The following SHMT1 variants were observed in gnomAD, a reference collection of about 807,000 sequenced individuals.
SHMT1 encodes serine hydroxymethyltransferase 1.
A neutral mutation model predicts 49.0 loss-of-function variants in SHMT1; 45 were observed. The observed-to-expected ratio is 0.92, with a 90% CI of 0.72 to 1.18. The LOEUF (loss-of-function observed/expected upper bound fraction) is 1.18, where lower values mean the gene tolerates loss of function less well. Ranked by LOEUF, SHMT1 falls within the 50% of genes most tolerant of loss-of-function variation. SHMT1 has a pLI of 0.00. For synonymous variants in SHMT1, 232 were observed against 246.6 expected (o/e 0.94, Z 0.55); for missense variants, 541 against 612.4 (o/e 0.88, Z 1.23).
At chr17:18,336,638 C>G (rs1227690115) in intron 7 of SHMT1, among the ~76,000 whole-genome samples, 1 of 151,540 alleles carries the variant, frequency 6.6e-6, no homozygotes, top group Non-Finnish European at 1.5e-5. Context: ...TGCACTCCAG[C>G]CTGGGCGACA....
At chr17:18,346,614 GCTC>G (rs1277401469) in intron 5 of SHMT1, among the ~76,000 whole-genome samples, 7 of 152,076 alleles carry the variant, frequency 4.6e-5, no homozygotes, top group Admixed American at 3.3e-4. Context: ...CCATACAGGT[GCTC>G]CTCAACTTAT....
chr17:18,342,600 C>G (rs1382779161), intron 5 of SHMT1, among the ~76,000 whole-genome samples: 1 of 152,066 alleles, frequency 6.6e-6, no homozygotes, highest in Non-Finnish European at 1.5e-5. Context: ...AGGTGTGAGC[C>G]ACCGCACCTG....
chr17:18,360,204 A>G (rs1440734451), intron 1 of SHMT1, among the ~76,000 whole-genome samples: 3 of 151,868 alleles, frequency 2.0e-5, no homozygotes, highest in African/African-American at 7.3e-5. Flanking sequence ...AGCCGAGATC[A>G]TACCATTGCA....
chr17:18,347,062 G>A (rs956083569), intron 5 of SHMT1, among the ~76,000 whole-genome samples: 12 of 152,192 alleles, frequency 7.9e-5, no homozygotes, highest in Non-Finnish European at 1.5e-4. Flanking sequence ...AGCTGGGGAC[G>A]TTGCCATGCC....
chr17:18,344,915 G>A (rs538190160), intron 5 of SHMT1, among the ~76,000 whole-genome samples: 2 of 152,336 alleles, frequency 1.3e-5, no homozygotes, highest in East Asian at 1.9e-4. Context: ...AGGGGCTGAA[G>A]GTGGAGGCAG....
At chr17:18,330,238 C>T (rs1443117668) in intron 10 of SHMT1, among the ~76,000 whole-genome samples, 2 of 152,016 alleles carry the variant, frequency 1.3e-5, no homozygotes, top group Non-Finnish European at 2.9e-5. Context: ...CGGGTTCAAG[C>T]GACTCTTCTG....
At position 18,340,411 on chromosome 17, in the gene SHMT1, CTG is replaced by C; in HGVS notation, c.602-158_602-157del. ...TGGAGAATGCCCTCAAAAAGCACCT[CTG>C]TGCTAAAGGCAACCACTCTAACTCT... On this transcript the variant is annotated intron_variant, in intron 6 of 11. Coordinates refer to ENST00000316694, the MANE Select transcript of SHMT1 (RefSeq NM_004169.5). This position sits in a 1 kb window ranked among gnomAD's most constrained non-coding sequence, Gnocchi z 4.5. The C allele has an allele frequency of 1.2e-6, 1 of 836,108 alleles. No individual in the cohort carries two copies. Among genetic ancestry groups the C allele is most frequent in the Admixed American group, 2.0e-5 (1 of 49,632 alleles). 51.8% of individuals were successfully genotyped at this position (836,108 alleles called of 1,614,324 possible).
At position 18,329,377 on chromosome 17, in the gene SHMT1, C is replaced by T. The variant is rs754043012; in HGVS notation, c.1183G>A (p.Ala395Thr). ...NKNTCPGDRS[A>T]LRPSGLRLGT... The stretch of plus-strand genomic sequence containing the variant: ...AGCCGCAGTCCACTGGGCCGCAGAG[C>T]GCTTCTGTCACCTACAAGATAAACG... The change falls in exon 11 of 12, where the codon GCT becomes ACT. Residue 395 changes from alanine (A) to threonine (T), a missense_variant. Coordinates refer to ENST00000316694, the MANE Select transcript of SHMT1 (RefSeq NM_004169.5). 4.5e-5 allele frequency: 73 copies of T among 1,612,112 alleles called. No individual in the cohort carries two copies. Among genetic ancestry groups the T allele is most frequent in the Non-Finnish European group, 5.6e-5 (66 of 1,179,698 alleles).
chr17:18,343,501 AG>A (rs1484228237), intron 5 of SHMT1, among the ~76,000 whole-genome samples: 1 of 150,462 alleles, frequency 6.6e-6, no homozygotes, highest in Admixed American at 6.7e-5. Context: ...CTAGCGATTC[AG>A]GAAGCTGAGG....
At chr17:18,356,233 G>A (rs1229532819) in intron 1 of SHMT1, among the ~76,000 whole-genome samples, 5 of 151,794 alleles carry the variant, frequency 3.3e-5, no homozygotes, top group East Asian at 1.9e-4. Flanking sequence ...TAGTAGAGAC[G>A]AGGTTTCACT....
Position 18,340,697 on chromosome 17 carries a change from T to C in SHMT1, c.601+35A>G. On this transcript the variant is annotated intron_variant, in intron 6 of 11. Coordinates refer to ENST00000316694, the MANE Select transcript of SHMT1 (RefSeq NM_004169.5). This position sits in a 1 kb window ranked among gnomAD's most constrained non-coding sequence, Gnocchi z 4.5. ...CATTCTGTAAGAGGCACCAGGCTAC[T>C]GGTGAACAAGGTGACTTTCCGCCCC... 1 of 1,581,056 alleles carries C rather than the reference T, an allele frequency of 6.3e-7. No individual in the cohort carries two copies. The highest frequency in any genetic ancestry group is 8.6e-7 in the Non-Finnish European group (1 of 1,158,282).
intron 1 of SHMT1, among the ~76,000 whole-genome samples, chr17:18,362,754 G>A (rs1455751598): frequency 1.3e-5 from 2 of 152,198 alleles, no homozygotes; most frequent in East Asian, 1.9e-4. Context: ...GAATCTCGAA[G>A]CCAAGGCACC....
At chr17:18,345,078 A>AAG (rs1313845864) in intron 5 of SHMT1, among the ~76,000 whole-genome samples, 2 of 152,128 alleles carry the variant, frequency 1.3e-5, no homozygotes, top group Non-Finnish European at 2.9e-5. Flanking sequence ...GGCAGGACTC[A>AAG]AATCACCCCC....
Position 18,361,077 on chromosome 17 carries a change from G to A in SHMT1, c.-20+2295C>T, listed in dbSNP as rs577580169. ...TCCAAGCACTTTGGGAGGCCAAGGC[G>A]GGTGCATCACCCCAGGTCAGGAGTT... On this transcript the variant is annotated intron_variant, in intron 1 of 11. Transcript: ENST00000316694. Among the ~76,000 whole-genome samples the A allele has an allele frequency of 7.2e-5, 11 of 152,038 alleles. No individual in the cohort carries two copies. In the South Asian group the frequency reaches 1.2e-3, roughly 17 times the overall value.
In SHMT1 at chr17:18,362,738, C is replaced by G. The variant is rs181939000; in HGVS notation, c.-20+634G>C. Among the ~76,000 whole-genome samples, 219 of 152,344 alleles carry G rather than the reference C, an allele frequency of 1.4e-3. 1 individual carries two copies. The highest frequency in any genetic ancestry group is 5.0e-3 in the African/African-American group (208 of 41,576). The stretch of plus-strand genomic sequence containing the variant: ...CTCAGCTGGACCAAGGGTCACTTAA[C>G]TCCCGGAATCTCGAAGCCAAGGCAC... On this transcript the variant is annotated intron_variant, in intron 1 of 11. Coordinates refer to ENST00000316694, the MANE Select transcript of SHMT1 (RefSeq NM_004169.5).
At chr17:18,355,147 A>C (rs1418073730) in intron 2 of SHMT1, among the ~76,000 whole-genome samples, 2 of 144,928 alleles carry the variant, frequency 1.4e-5, no homozygotes, top group African/African-American at 5.2e-5. Flanking sequence ...AGGTGGGCGG[A>C]TCACGAGGTC....
At chr17:18,342,416 A>C (rs899432438) in intron 5 of SHMT1, among the ~76,000 whole-genome samples, 2 of 151,910 alleles carry the variant, frequency 1.3e-5, no homozygotes, top group Non-Finnish European at 2.9e-5. Flanking sequence ...TCCCAGGCTC[A>C]AGCGATTCTC....
At chr17:18,356,966 T>TA (rs1024622911) in intron 1 of SHMT1, among the ~76,000 whole-genome samples, 2 of 151,982 alleles carry the variant, frequency 1.3e-5, no homozygotes, top group African/African-American at 4.8e-5. Context: ...TCTCCTGCGG[T>TA]ACCCAACACT....
At position 18,340,529 on chromosome 17, in the gene SHMT1, A is replaced by G; in HGVS notation, c.601+203T>C. The stretch of plus-strand genomic sequence containing the variant: ...TAGATGCTTCTCTGAGAACAGTCTC[A>G]CATCTTAATCTACATAGCACAAAAA... On this transcript the variant is annotated intron_variant, in intron 6 of 11. Coordinates refer to ENST00000316694, the MANE Select transcript of SHMT1 (RefSeq NM_004169.5). The surrounding 1 kb of genome is among the most constrained non-coding windows in gnomAD (Gnocchi z 4.5). The G allele has an allele frequency of 1.5e-6, 1 of 688,000 alleles. No homozygotes were observed. Among genetic ancestry groups the G allele is most frequent in the East Asian group, 2.7e-5 (1 of 37,044 alleles). The allele number at this position is 688,000 out of a possible 1,614,324, so 42.6% of individuals were successfully genotyped here.
Sources: gnomAD v4.1 joint callset for allele counts (sites outside exome capture counted in the v4.1 genomes callset) on GRCh38, gnomAD v4.1.1 for gene constraint, Gnocchi (gnomAD v3.1) non-coding constraint, MANE v1.5 for transcripts, NCBI Gene and HGNC (gene_info 2026-07-23, HGNC 2026-07-21) for gene names.